DCLK1: variants seen among roughly 807,000 people sequenced by gnomAD.
DCLK1 encodes serine/threonine-protein kinase DCLK1.
Under a neutral mutation model 86.2 loss-of-function variants are expected in DCLK1, and 16 were observed. That is an observed-to-expected ratio of 0.19 (90% CI 0.13 to 0.28). DCLK1 has a LOEUF of 0.28. DCLK1 is among the 10% of genes least tolerant of loss of function. The pLI is 1.00. For missense variants in DCLK1, 590 were observed against 940.2 expected, an observed-to-expected ratio of 0.63 and a Z score of 4.87; for synonymous variants, 369 against 370.5, an observed-to-expected ratio of 1.00 and a Z score of 0.05.
At chr13:35,965,928 T>G (rs991623308) in intron 3 of DCLK1, among the ~76,000 whole-genome samples, 1 of 152,024 alleles carries the variant, frequency 6.6e-6, no homozygotes, top group African/African-American at 2.4e-5. Context: ...ACAGGGAGAG[T>G]TCCTAGACAT....
chr13:35,919,595 C>G (rs1323380665), intron 4 of DCLK1, among the ~76,000 whole-genome samples: 1 of 152,064 alleles, frequency 6.6e-6, no homozygotes, highest in Non-Finnish European at 1.5e-5. Flanking sequence ...TCCCAGACTC[C>G]TCTCTTTTTC....
intron 3 of DCLK1, among the ~76,000 whole-genome samples, chr13:36,061,885 T>C (rs541090071): frequency 1.6e-4 from 25 of 152,196 alleles, no homozygotes; most frequent in Non-Finnish European, 2.9e-4. Flanking sequence ...ATATCCACCA[T>C]CAATGTGTTG....
chr13:35,889,577 G>C (rs1873509228), intron 4 of DCLK1, among the ~76,000 whole-genome samples: 1 of 151,978 alleles, frequency 6.6e-6, no homozygotes, highest in African/African-American at 2.4e-5. Context: ...ATGACTATTT[G>C]TTAACTTTGT....
At chr13:35,993,719 CA>C (rs1566636895) in intron 3 of DCLK1, among the ~76,000 whole-genome samples, 1 of 151,964 alleles carries the variant, frequency 6.6e-6, no homozygotes, top group African/African-American at 2.4e-5. Context: ...AATTAGTTAA[CA>C]TTTTTTTGAT....
intron 3 of DCLK1, among the ~76,000 whole-genome samples, chr13:36,046,384 AACAG>A (rs1253370250): frequency 6.6e-6 from 1 of 152,236 alleles, no homozygotes; most frequent in African/African-American, 2.4e-5. Context: ...ACTGTGATTT[AACAG>A]ACAATGTCAC....
intron 4 of DCLK1, among the ~76,000 whole-genome samples, chr13:35,923,371 C>CT (rs1309625518): frequency 1.3e-5 from 2 of 151,596 alleles, no homozygotes; most frequent in Non-Finnish European, 2.9e-5. Flanking sequence ...ACTAGCTTCA[C>CT]TTTCTTTTTT....
intron 8 of DCLK1, among the ~76,000 whole-genome samples, chr13:35,828,814 C>T (rs1186991602): frequency 6.6e-6 from 1 of 152,136 alleles, no homozygotes; most frequent in African/African-American, 2.4e-5. Flanking sequence ...CCTCAAGTCT[C>T]TCCTGAGGTT....
chr13:36,039,728 G>T (rs1337716650), intron 3 of DCLK1, among the ~76,000 whole-genome samples: 1 of 151,714 alleles, frequency 6.6e-6, no homozygotes, highest in Admixed American at 6.6e-5. Context: ...GCTAAACAAA[G>T]ACCTAATTTA....
chr13:35,827,822 C>T (rs776426396), intron 9 of DCLK1, 68 bp from the exon 10 acceptor site: 633 of 1,577,178 alleles, frequency 4.0e-4, no homozygotes, highest in Non-Finnish European at 5.2e-4. Flanking sequence ...CAAATGAGTA[C>T]AACTATACTA....
intron 3 of DCLK1, among the ~76,000 whole-genome samples, chr13:35,985,587 C>T (rs1879862498): frequency 6.6e-6 from 1 of 152,322 alleles, no homozygotes; most frequent in Admixed American, 6.5e-5. Context: ...ATTGACAACT[C>T]TCTAGGCACT....
chr13:36,121,283 C>A (rs1294884719), intron 2 of DCLK1, among the ~76,000 whole-genome samples: 5 of 152,138 alleles, frequency 3.3e-5, no homozygotes, highest in Non-Finnish European at 5.9e-5. Context: ...TAAAAAGTTA[C>A]CTTCTGGGCA....
Position 35,769,219 on chromosome 13 carries a change from A to G in DCLK1, c.*5316T>C, listed in dbSNP as rs2086285196. On this transcript the variant is annotated 3_prime_UTR_variant, in exon 17 of 17. Coordinates refer to ENST00000360631, the MANE Select transcript of DCLK1 (RefSeq NM_001330071.2). Reference sequence around the variant, plus strand: ...TTATTTCATTAGGATTCTGAAAATCAAAGATTAACCTATGCCATCTGATCC... The same window carrying G: ...TTATTTCATTAGGATTCTGAAAATCGAAGATTAACCTATGCCATCTGATCC... 6.6e-6 allele frequency: 1 copy of G among 152,222 alleles called. No homozygotes were observed. The highest frequency in any genetic ancestry group is 6.5e-5 in the Admixed American group (1 of 15,292). 9.4% of individuals were successfully genotyped at this position (152,222 alleles called of 1,614,324 possible).
Position 35,809,037 on chromosome 13 carries a change from C to T in DCLK1, c.1747G>A (p.Gly583Ser). The change falls in exon 13 of 17, where the codon GGT becomes AGT. Residue 583 changes from glycine to serine, a missense_variant. Transcript: ENST00000360631. ...AGVITYILLCGFPPFRGSGDD... is the reference protein window; with the variant it reads ...AGVITYILLCSFPPFRGSGDD... ...CCATACCCACGGAATGGAGGGAAACCACACAGCAGGATATAAGTGATTACA... is the reference window on the plus strand; with the variant it reads ...CCATACCCACGGAATGGAGGGAAACTACACAGCAGGATATAAGTGATTACA... 6.2e-7 allele frequency: 1 copy of T among 1,612,042 alleles called. No homozygotes were observed. Among genetic ancestry groups the T allele is most frequent in the Non-Finnish European group, 8.5e-7 (1 of 1,178,650 alleles).
At chr13:35,953,914 T>C (rs1350287178) in intron 3 of DCLK1, among the ~76,000 whole-genome samples, 1 of 152,184 alleles carries the variant, frequency 6.6e-6, no homozygotes, top group Non-Finnish European at 1.5e-5. Context: ...TCATTGTGTC[T>C]TTATCAGGTG....
At chr13:35,885,117 G>A (rs1023197308) in intron 4 of DCLK1, among the ~76,000 whole-genome samples, 1 of 152,146 alleles carries the variant, frequency 6.6e-6, no homozygotes, top group African/African-American at 2.4e-5. Context: ...TGGGCATCAA[G>A]CTTGATCGGG....
intron 3 of DCLK1, among the ~76,000 whole-genome samples, chr13:36,019,278 C>T (rs1029694136): frequency 1.3e-5 from 2 of 152,162 alleles, no homozygotes; most frequent in Admixed American, 1.3e-4. Flanking sequence ...TTCCCAAGAT[C>T]CAAGCCTATG....
At chr13:35,826,727 A>G (rs944197770) in intron 10 of DCLK1, among the ~76,000 whole-genome samples, 4 of 152,080 alleles carry the variant, frequency 2.6e-5, no homozygotes, top group Non-Finnish European at 5.9e-5. Context: ...TTAGCTTACT[A>G]AATGCTTTCC....
intron 15 of DCLK1, among the ~76,000 whole-genome samples, chr13:35,796,864 G>A (rs2086822815): frequency 6.6e-6 from 1 of 152,218 alleles, no homozygotes; most frequent in South Asian, 2.1e-4. Flanking sequence ...GAGGCGGAAG[G>A]AGAATTGAAT....
At chr13:36,011,086 T>A (rs1184618910) in intron 3 of DCLK1, among the ~76,000 whole-genome samples, 2 of 81,002 alleles carry the variant, frequency 2.5e-5, no homozygotes, top group East Asian at 3.0e-4. Context: ...CCTTTATCAT[T>A]TTTTATTGTG....
Sources: gnomAD v4.1 joint callset for allele counts (sites outside exome capture counted in the v4.1 genomes callset) on GRCh38, gnomAD v4.1.1 for gene constraint, MANE v1.5 for transcripts, NCBI Gene and HGNC (gene_info 2026-07-23, HGNC 2026-07-21) for gene names.